Variants in PIK3C2A observed in about 807,000 individuals in gnomAD.
PIK3C2A encodes the protein phosphatidylinositol 4-phosphate 3-kinase C2 domain-containing subunit alpha.
Under a neutral mutation model 204.5 loss-of-function variants are expected in PIK3C2A, and 97 were observed. The ratio of observed to expected loss-of-function variants is 0.47; its 90% CI spans 0.40 to 0.56. The LOEUF (loss-of-function observed/expected upper bound fraction) is 0.56, where lower values mean the gene tolerates loss of function less well. Ranked by LOEUF, PIK3C2A falls within the 20% of genes least tolerant of loss-of-function variation. The probability of loss-of-function intolerance (pLI) is 0.00; values close to 1 mark genes in which losing one functional copy is unlikely to be tolerated. For missense variants in PIK3C2A, 1,735 were observed against 1,969.2 expected (o/e 0.88, Z 2.25); for synonymous variants, 653 against 664.4 (o/e 0.98, Z 0.26).
At chr11:17,203,241 C>T (rs1337174110) in intron 1 of PIK3C2A, among the ~76,000 whole-genome samples, 1 of 151,518 alleles carries the variant, frequency 6.6e-6, no homozygotes, top group Non-Finnish European at 1.5e-5. Flanking sequence ...GCCTGTAATC[C>T]CAGCAGTTTG....
At chr11:17,178,858 T>C (rs566859284) in intron 1 of PIK3C2A, among the ~76,000 whole-genome samples, 120 of 150,776 alleles carry the variant, frequency 8.0e-4, no homozygotes, top group African/African-American at 2.8e-3. Flanking sequence ...GCCTCCCGAG[T>C]AGCTGGGACT....
At chr11:17,162,057 C>T (rs1426925357) in intron 2 of PIK3C2A, among the ~76,000 whole-genome samples, 4 of 152,202 alleles carry the variant, frequency 2.6e-5, no homozygotes, top group Non-Finnish European at 4.4e-5. Flanking sequence ...CATTCTGGGC[C>T]GGGCGCAGTG....
intron 2 of PIK3C2A, among the ~76,000 whole-genome samples, chr11:17,161,988 C>A (rs1360810574): frequency 6.6e-6 from 1 of 152,104 alleles, no homozygotes; most frequent in Non-Finnish European, 1.5e-5. Context: ...TTCCTGTACA[C>A]AAACAAAATG....
chr11:17,169,683 G>T lies in PIK3C2A; in HGVS notation c.59C>A (p.Pro20Gln). The change falls in exon 2 of 33, where the codon CCA becomes CAA. Residue 20 changes from proline to glutamine, a missense_variant. Transcript: ENST00000691414. ...TTTGTCCACATCTTTTGCTCTTGTT[G>T]GTTCCGGATGTGAAGATGGACATTC... ...FKECPSSHPE[P>Q]TRAKDVDKEE... The T allele has an allele frequency of 6.2e-7, 1 of 1,610,702 alleles. No individual in the cohort carries two copies. Among genetic ancestry groups the T allele is most frequent in the Non-Finnish European group, 8.5e-7 (1 of 1,179,886 alleles).
At chr11:17,178,601 C>T (rs890492428) in intron 1 of PIK3C2A, among the ~76,000 whole-genome samples, 2 of 151,866 alleles carry the variant, frequency 1.3e-5, no homozygotes, top group Non-Finnish European at 2.9e-5. Flanking sequence ...CTTGCTCTGT[C>T]GCCCAGGCTG....
At chr11:17,178,654 C>CAAG (rs1317462659) in intron 1 of PIK3C2A, among the ~76,000 whole-genome samples, 1 of 151,860 alleles carries the variant, frequency 6.6e-6, no homozygotes, top group African/African-American at 2.4e-5. Flanking sequence ...CCTCCACTTC[C>CAAG]CAGCCTCCAG....
intron 1 of PIK3C2A, among the ~76,000 whole-genome samples, chr11:17,177,919 C>T (rs547842867): frequency 7.2e-5 from 11 of 151,922 alleles, no homozygotes; most frequent in African/African-American, 2.7e-4. Context: ...ATGGTGAAAC[C>T]TTGTCTCTAC....
intron 2 of PIK3C2A, among the ~76,000 whole-genome samples, chr11:17,156,065 A>G (rs1289844660): frequency 6.6e-6 from 1 of 152,148 alleles, no homozygotes; most frequent in Non-Finnish European, 1.5e-5. Context: ...ATGGTTTTTT[A>G]TGTAAGAGAA....
At chr11:17,190,418 A>C (rs1057022676) in intron 1 of PIK3C2A, among the ~76,000 whole-genome samples, 1 of 151,624 alleles carries the variant, frequency 6.6e-6, no homozygotes, top group Non-Finnish European at 1.5e-5. Context: ...TTAAAATACA[A>C]AAATTAGCCA....
At chr11:17,100,257 G>A (rs1402814505) in intron 25 of PIK3C2A, among the ~76,000 whole-genome samples, 1 of 116,126 alleles carries the variant, frequency 8.6e-6, no homozygotes, top group Non-Finnish European at 1.8e-5. Flanking sequence ...GGCGGGGGGG[G>A]GGGGCAGGGA....
At chr11:17,130,496 T>C (rs1448746332) in intron 12 of PIK3C2A, among the ~76,000 whole-genome samples, 1 of 151,918 alleles carries the variant, frequency 6.6e-6, no homozygotes, top group Non-Finnish European at 1.5e-5. Context: ...ATAATGAGAG[T>C]TCCCTTAGTT....
chr11:17,115,250 T>C (rs931562864), intron 19 of PIK3C2A, among the ~76,000 whole-genome samples: 12 of 151,454 alleles, frequency 7.9e-5, no homozygotes, highest in African/African-American at 2.9e-4. Flanking sequence ...AAAAAAAGTA[T>C]AGGCTGGGTG....
chr11:17,131,526 A>G (rs1849693972), intron 12 of PIK3C2A, among the ~76,000 whole-genome samples: 1 of 146,826 alleles, frequency 6.8e-6, no homozygotes, highest in South Asian at 2.1e-4. Context: ...GATTCATGAC[A>G]TTCTCCTGCC....
chr11:17,148,567 A>T (rs1375056533), intron 5 of PIK3C2A, 100 bp downstream of exon 5: 1 of 934,918 alleles, frequency 1.1e-6, no homozygotes, highest in Non-Finnish European at 1.6e-6. Context: ...AATAGGATCC[A>T]ATGTATTTCT....
At position 17,163,908 on chromosome 11, in the gene PIK3C2A, TAAA is replaced by T. The variant is rs35154954; in HGVS notation, c.1065+4766_1065+4768del. On this transcript the variant is annotated intron_variant, in intron 2 of 32. Coordinates refer to ENST00000691414, the MANE Select transcript of PIK3C2A (RefSeq NM_002645.4). ...AATGTATGTCCAAAATACAAAACCT[TAAA>T]AAAAAAAAAAAAGTCCACTTCCTCT... Among the ~76,000 whole-genome samples, 154 of 142,628 alleles carry T rather than the reference TAAA, an allele frequency of 1.1e-3. 2 individuals carry two copies. The highest frequency in any genetic ancestry group is 3.5e-3 in the African/African-American group (135 of 38,742). The allele number at this position is 142,628 out of a possible 152,430, so 93.6% of individuals were successfully genotyped here. A position where few individuals can be genotyped will look rare whatever the true frequency, so the allele number is the denominator to read the frequency against.
At chr11:17,128,239 T>C (rs995240202) in intron 13 of PIK3C2A, among the ~76,000 whole-genome samples, 1 of 151,736 alleles carries the variant, frequency 6.6e-6, no homozygotes, top group African/African-American at 2.4e-5. Flanking sequence ...TTCTCCTTTT[T>C]TTTTTTAATT....
intron 3 of PIK3C2A, among the ~76,000 whole-genome samples, 200 bp from the exon 4 acceptor site, chr11:17,150,855 A>G (rs1850403798): frequency 1.3e-5 from 2 of 152,188 alleles, no homozygotes; most frequent in South Asian, 4.1e-4. Context: ...ACCCAAGGAA[A>G]AGGAAGAGAT....
chr11:17,136,395 A>C (rs1849872977), intron 9 of PIK3C2A, 87 bp downstream of exon 9: 1 of 985,376 alleles, frequency 1.0e-6, no homozygotes, highest in African/African-American at 1.6e-5. Context: ...AGTTAAAATG[A>C]CAATATTTTG....
intron 13 of PIK3C2A, among the ~76,000 whole-genome samples, chr11:17,128,296 G>T (rs1428680162): frequency 1.3e-5 from 2 of 148,302 alleles, no homozygotes; most frequent in African/African-American, 2.5e-5. Context: ...TTGGCGGGGG[G>T]TGGGGAGGGG....
Sources: gnomAD v4.1 joint callset for allele counts (sites outside exome capture counted in the v4.1 genomes callset) on GRCh38, gnomAD v4.1.1 for gene constraint, MANE v1.5 for transcripts, NCBI Gene and HGNC (gene_info 2026-07-23, HGNC 2026-07-21) for gene names.